Variants in RYR1 observed in about 807,000 individuals in gnomAD.
RYR1 encodes ryanodine receptor 1.
RYR1 carries 342 observed loss-of-function variants against 583.5 expected under a neutral mutation model. The ratio of observed to expected loss-of-function variants is 0.59; its 90% CI spans 0.54 to 0.64. RYR1 has a LOEUF of 0.64. RYR1 is among the 30% of genes least tolerant of loss of function. The pLI, the probability that RYR1 is intolerant of heterozygous loss-of-function variation, is 0.00. For synonymous variants in RYR1, 2,791 were observed against 2,822.5 expected, an observed-to-expected ratio of 0.99 and a Z score of 0.35; for missense variants, 6,032 against 6,917.2, an observed-to-expected ratio of 0.87 and a Z score of 4.54.
At position 38,480,442 on chromosome 19, in the gene RYR1, C is replaced by T. The variant is rs537135050; in HGVS notation, c.4620+1842C>T. On this transcript the variant is annotated intron_variant, in intron 31 of 105. Coordinates refer to ENST00000359596, the MANE Select transcript of RYR1 (RefSeq NM_000540.3). ...GACAGGTATAAGCCACTGCGCCTGG[C>T]TTGTTTCATCTTTTTATATCTACTT... 3.3e-3 allele frequency among the ~76,000 whole-genome samples: 505 copies of T among 152,272 alleles called. 1 individual carries two copies. Among genetic ancestry groups the T allele is most frequent in the Admixed American group, 6.6e-3 (101 of 15,304 alleles).
At chr19:38,445,077 C>T (rs933229118) in intron 7 of RYR1, among the ~76,000 whole-genome samples, 6 of 151,754 alleles carry the variant, frequency 4.0e-5, no homozygotes, top group African/African-American at 7.3e-5. Flanking sequence ...GCCAACATGG[C>T]GAAACCCCAT....
In RYR1 at chr19:38,577,591, G is replaced by A. The variant is rs570114245; in HGVS notation, c.14173-327G>A. Among the ~76,000 whole-genome samples the A allele has an allele frequency of 4.6e-5, 7 of 152,176 alleles. No homozygotes were observed. The South Asian group carries it at 1.5e-3, about 32-fold the overall frequency. On this transcript the variant is annotated intron_variant, in intron 97 of 105. Coordinates refer to ENST00000359596, the MANE Select transcript of RYR1 (RefSeq NM_000540.3). ...GAGGGCAGATCACTTGAGGTTAGGA[G>A]TTCAAGACCAGCCTGACCAACACAG...
Position 38,535,340 on chromosome 19 carries a change from A to G in RYR1, c.11464A>G (p.Lys3822Glu). ...QQKMLDYLKDKKEVGFFQSIQ... is the reference protein window; with the variant it reads ...QQKMLDYLKDEKEVGFFQSIQ... ...GAAAATGCTGGATTATCTTAAGGACAAGAAGGAAGTTGGCTTCTTCCAGAG... is the reference window on the plus strand; with the variant it reads ...GAAAATGCTGGATTATCTTAAGGACGAGAAGGAAGTTGGCTTCTTCCAGAG... The change falls in exon 81 of 106, where the codon AAG becomes GAG. Residue 3822 changes from lysine (K) to glutamate (E), a missense_variant. Transcript: ENST00000359596. 6.2e-7 allele frequency: 1 copy of G among 1,614,174 alleles called. No individual in the cohort carries two copies. The highest frequency in any genetic ancestry group is 8.5e-7 in the Non-Finnish European group (1 of 1,180,034).
At chr19:38,525,524 C>G (rs772508244) in intron 71 of RYR1, 22 bp downstream of exon 71, 4 of 1,611,702 alleles carry the variant, frequency 2.5e-6, no homozygotes, top group Non-Finnish European at 2.5e-6. Context: ...GCCCCGTCCT[C>G]GGAACCTTCC....
At chr19:38,490,782 A>T (rs748447016) in intron 37 of RYR1, 50 bp downstream of exon 37, 12 of 1,211,128 alleles carry the variant, frequency 9.9e-6, no homozygotes, top group Middle Eastern at 1.9e-4. Context: ...TTCTCTCGAG[A>T]CCTCTCCAGA....
In RYR1 at chr19:38,469,403, C is replaced by T. The variant is rs1314539077; in HGVS notation, c.3655C>T (p.Gln1219Ter). The stretch of plus-strand genomic sequence containing the variant: ...GAGGTTCTTTGCCATCTGTGGCCTC[C>T]AGGAAGGCTTCGAGCCATTTGCCAT... ...SLRFFAICGLQEGFEPFAINM... is the reference protein window; with the variant it reads ...SLRFFAICGL The change falls in exon 27 of 106, where the codon CAG (glutamine) becomes TAG (stop). Residue 1219 changes from glutamine (Q) to a stop codon, truncating the protein, a stop_gained. Transcript: ENST00000359596. LOFTEE classifies it high-confidence loss of function. 2 of 1,614,154 alleles carry T rather than the reference C, an allele frequency of 1.2e-6. No homozygotes were observed. Among genetic ancestry groups the T allele is most frequent in the Admixed American group, 1.7e-5 (1 of 60,012 alleles).
chr19:38,489,496 CAG>C, intron 35 of RYR1, 53 bp downstream of exon 35: 2 of 1,605,888 alleles, frequency 1.2e-6, no homozygotes, highest in Non-Finnish European at 1.7e-6. Context: ...CTGGGAGACA[CAG>C]GGTAGGTGGG....
chr19:38,443,859 A>T (rs1972812755), intron 5 of RYR1, 63 bp downstream of exon 5: 1 of 1,486,934 alleles, frequency 6.7e-7, no homozygotes, highest in African/African-American at 1.4e-5. Context: ...AGGGGGTAGA[A>T]GGTCTGCAGA....
At chr19:38,544,589 C>T (rs1035073036) in intron 87 of RYR1, among the ~76,000 whole-genome samples, 14 of 152,188 alleles carry the variant, frequency 9.2e-5, no homozygotes, top group African/African-American at 3.4e-4. Context: ...CATGTTATAA[C>T]TTCCCTACAG....
intron 95 of RYR1, 99 bp downstream of exon 95, chr19:38,572,369 G>T: frequency 1.6e-6 from 2 of 1,258,894 alleles, no homozygotes; most frequent in Admixed American, 2.1e-5. Flanking sequence ...CCTCAAAGTG[G>T]TTGGGACAGA....
At chr19:38,586,676 G>C (rs892703489) in intron 105 of RYR1, 100 bp downstream of exon 105, 4 of 1,193,508 alleles carry the variant, frequency 3.4e-6, no homozygotes, top group Admixed American at 3.5e-5. Context: ...CAATATCAAG[G>C]GTTAGGGCTG....
rs1204997537 is a variant in RYR1 at position 38,586,019 on chromosome 19, G to A, written c.14868+17G>A. On this transcript the variant is annotated intron_variant, in intron 103 of 105. Coordinates refer to ENST00000359596, the MANE Select transcript of RYR1 (RefSeq NM_000540.3). ...GATATGGAGGTAGGTCATGTCTGGG[G>A]GTGACCCAGAGGGATTACGGGATTC... 2 of 1,613,928 alleles carry A rather than the reference G, an allele frequency of 1.2e-6. No homozygotes were observed. The highest frequency in any genetic ancestry group is 2.2e-5 in the South Asian group (2 of 91,074).
At chr19:38,481,805 G>A (rs1969023900) in intron 31 of RYR1, among the ~76,000 whole-genome samples, 1 of 151,690 alleles carries the variant, frequency 6.6e-6, no homozygotes, top group South Asian at 2.1e-4. Context: ...AAGTTAAAAT[G>A]GGCCGGGCGT....
At position 38,523,226 on chromosome 19, in the gene RYR1, C is replaced by T. The variant is rs1482429489; in HGVS notation, c.10357C>T (p.Arg3453Cys). 6.2e-6 allele frequency: 10 copies of T among 1,614,106 alleles called. No homozygotes were observed. In the African/African-American group the frequency reaches 6.7e-5, roughly 11 times the overall value. Residue 3453 changes from arginine (R) to cysteine (C), a missense_variant, in exon 69 of 106, where the codon CGC (arginine) becomes TGC (cysteine). Coordinates refer to ENST00000359596, the MANE Select transcript of RYR1 (RefSeq NM_000540.3). Reference protein sequence around the residue: ...IYWSKSHNFKREEQNFVVQNE... With the variant: ...IYWSKSHNFKCEEQNFVVQNE... ...CTGCTTCCCCCACCAGAACTTCAAG[C>T]GCGAGGAGCAGAACTTTGTGGTCCA...
At chr19:38,455,778 TC>T (rs1169247265) in intron 16 of RYR1, 27 bp downstream of exon 16, 1 of 1,370,774 alleles carries the variant, frequency 7.3e-7, no homozygotes, top group African/African-American at 1.4e-5. Flanking sequence ...TGACCTCTCA[TC>T]CCCTGAACTC....
chr19:38,451,280 T>G (rs1379247736), intron 11 of RYR1, among the ~76,000 whole-genome samples: 2 of 152,272 alleles, frequency 1.3e-5, no homozygotes, highest in East Asian at 3.9e-4. Flanking sequence ...AGCCGCAGAC[T>G]GGATGAGTTC....
Position 38,502,970 on chromosome 19 carries a change from G to T in RYR1, c.7926G>T (p.Lys2642Asn). The T allele has an allele frequency of 6.2e-7, 1 of 1,608,410 alleles. No individual in the cohort carries two copies. The stretch of plus-strand genomic sequence containing the variant: ...ACGAGTTCGCCAAGATGCCACTCAA[G>T]GTGAGGGCAAGCGCTCTTTAGCATC... Reference protein sequence around the residue: ...ILNEFAKMPLKLLTNHYERCW... With the variant: ...ILNEFAKMPLNLLTNHYERCW... Residue 2642 changes from lysine (K) to asparagine (N), a missense_variant and splice_region_variant, in exon 49 of 106, where the codon AAG becomes AAT. Coordinates refer to ENST00000359596, the MANE Select transcript of RYR1 (RefSeq NM_000540.3).
Position 38,565,437 on chromosome 19 carries a change from T to G in RYR1, c.13103T>G (p.Val4368Gly). The G allele has an allele frequency of 6.7e-7, 1 of 1,493,226 alleles. No individual in the cohort carries two copies. Among genetic ancestry groups the G allele is most frequent in the East Asian group, 2.8e-5 (1 of 35,528 alleles). 92.5% of individuals were successfully genotyped at this position (1,493,226 alleles called of 1,614,324 possible). A position where few individuals can be genotyped will look rare whatever the true frequency, so the allele number is the denominator to read the frequency against. The stretch of plus-strand genomic sequence containing the variant: ...GGCTCGCTGTTCGGCGGCGGCCTGG[T>G]GGAGGGCGCCAAGAAGGTGACGGTG... ...LWGSLFGGGL[V>G]EGAKKVTVTE... is the part of the protein sequence containing the mutation. Residue 4368 changes from valine (V) to glycine (G), a missense_variant, in exon 91 of 106, where the codon GTG (valine) becomes GGG (glycine). Coordinates refer to ENST00000359596, the MANE Select transcript of RYR1 (RefSeq NM_000540.3). This position sits in a 1 kb window ranked among gnomAD's most constrained non-coding sequence, Gnocchi z 4.7.
In RYR1 at chr19:38,537,975, T is replaced by C; in HGVS notation, c.11689+15T>C. On this transcript the variant is annotated intron_variant, in intron 84 of 105. Coordinates refer to ENST00000359596, the MANE Select transcript of RYR1 (RefSeq NM_000540.3). ...GCACAATAATGGTGAGGAGGAGGGG[T>C]GTGGGGTGGAGGGGAAGCCGAGGTT... is the stretch of plus-strand genomic sequence containing the variant. 1.3e-6 allele frequency: 2 copies of C among 1,552,066 alleles called. No individual in the cohort carries two copies. The highest frequency in any genetic ancestry group is 1.8e-6 in the Non-Finnish European group (2 of 1,128,172).
Sources: allele counts gnomAD v4.1 joint callset (sites outside exome capture counted in the v4.1 genomes callset), GRCh38; gene constraint gnomAD v4.1.1; non-coding constraint Gnocchi (gnomAD v3.1); transcripts MANE v1.5; gene names NCBI Gene and HGNC (gene_info 2026-07-23, HGNC 2026-07-21).